Variants in NALF1 observed in about 807,000 individuals in gnomAD.
NALF1 encodes family with sequence similarity 155 member A.
Under a neutral mutation model 48.4 loss-of-function variants are expected in NALF1, and 3 were observed. That is an observed-to-expected ratio of 0.06 (90% CI 0.03 to 0.16). NALF1 has a LOEUF of 0.16. Among genes scored for constraint, NALF1 ranks in the 10% least tolerant of loss-of-function variants. The pLI is 1.00. For missense variants in NALF1, 526 were observed against 571.5 expected (o/e 0.92, Z 0.81); for synonymous variants, 262 against 245.7 (o/e 1.07, Z -0.62).
intron 1 of NALF1, among the ~76,000 whole-genome samples, chr13:107,318,583 A>G (rs1162131578): frequency 6.6e-6 from 1 of 152,094 alleles, no homozygotes; most frequent in African/African-American, 2.4e-5. Flanking sequence ...GAGTAATGGA[A>G]ACTTTCACGT....
At chr13:107,219,285 CAT>C (rs1168161592) in intron 1 of NALF1, among the ~76,000 whole-genome samples, 1 of 152,218 alleles carries the variant, frequency 6.6e-6, no homozygotes, top group Non-Finnish European at 1.5e-5. Flanking sequence ...GTCCTCTAAA[CAT>C]ACCACTTATT....
At chr13:107,315,962 T>C (rs1284726843) in intron 1 of NALF1, among the ~76,000 whole-genome samples, 1 of 151,986 alleles carries the variant, frequency 6.6e-6, no homozygotes, top group Non-Finnish European at 1.5e-5. Flanking sequence ...GTTTGTTACA[T>C]ATGTATACAT....
chr13:107,579,061 C>A (rs1466405508), intron 1 of NALF1, among the ~76,000 whole-genome samples: 1 of 152,156 alleles, frequency 6.6e-6, no homozygotes, highest in East Asian at 1.9e-4. Context: ...TCCATGCTTT[C>A]ATGCTAACAT....
At chr13:107,474,036 A>C (rs1885140942) in intron 1 of NALF1, among the ~76,000 whole-genome samples, 1 of 152,184 alleles carries the variant, frequency 6.6e-6, no homozygotes, top group Admixed American at 6.6e-5. Flanking sequence ...CCTTTATGAG[A>C]GACAATTTCT....
chr13:107,827,899 T>C (rs1879568735), intron 1 of NALF1, among the ~76,000 whole-genome samples: 1 of 152,214 alleles, frequency 6.6e-6, no homozygotes. Context: ...ACATGTCTTC[T>C]AGCACAAAAA....
At chr13:107,440,734 A>C (rs868059362) in intron 1 of NALF1, among the ~76,000 whole-genome samples, 4 of 152,240 alleles carry the variant, frequency 2.6e-5, no homozygotes, top group Middle Eastern at 3.4e-3. Flanking sequence ...ATTTTTGTGA[A>C]CTAACCGAAT....
chr13:107,759,357 T>C (rs1877202309), intron 1 of NALF1, among the ~76,000 whole-genome samples: 1 of 152,110 alleles, frequency 6.6e-6, no homozygotes, highest in African/African-American at 2.4e-5. Context: ...TACAGGTGCA[T>C]GCCACCACCC....
At chr13:107,288,248 C>G (rs190477656) in intron 1 of NALF1, among the ~76,000 whole-genome samples, 4,921 of 125,834 alleles carry the variant, frequency 0.039, 276 homozygotes, top group African/African-American at 0.14. Context: ...GAGACGGAGT[C>G]TCGCTCTGTC....
At chr13:107,201,370 A>T (rs145260738) in intron 2 of NALF1, among the ~76,000 whole-genome samples, 1 of 152,304 alleles carries the variant, frequency 6.6e-6, no homozygotes, top group East Asian at 1.9e-4. Flanking sequence ...AGGTCAGGAG[A>T]TCGAGACCAG....
At chr13:107,263,504 T>A (rs747200110) in intron 1 of NALF1, among the ~76,000 whole-genome samples, 1 of 152,116 alleles carries the variant, frequency 6.6e-6, no homozygotes, top group East Asian at 1.9e-4. Context: ...TTCCCACATG[T>A]TGTGGAAGAG....
At chr13:107,638,043 C>A (rs1880033139) in intron 1 of NALF1, among the ~76,000 whole-genome samples, 1 of 151,748 alleles carries the variant, frequency 6.6e-6, no homozygotes, top group Admixed American at 6.6e-5. Flanking sequence ...GACCGTAAGT[C>A]ATCTTCCTGA....
intron 1 of NALF1, among the ~76,000 whole-genome samples, chr13:107,394,207 T>C (rs1883672371): frequency 6.6e-6 from 1 of 152,176 alleles, no homozygotes; most frequent in South Asian, 2.1e-4. Context: ...TTAAAAACTG[T>C]AATCTCTATT....
intron 1 of NALF1, among the ~76,000 whole-genome samples, chr13:107,816,754 A>C (rs562602582): frequency 2.6e-5 from 4 of 152,302 alleles, no homozygotes; most frequent in Admixed American, 2.6e-4. Flanking sequence ...TTAAAAAAAA[A>C]CCTTAAATTA....
chr13:107,345,779 T>G (rs1039971093), intron 1 of NALF1, among the ~76,000 whole-genome samples: 2 of 152,258 alleles, frequency 1.3e-5, no homozygotes, highest in East Asian at 3.9e-4. Flanking sequence ...AATATAAAAA[T>G]AGACAACAGG....
At chr13:107,686,540 C>T (rs1350201958) in intron 1 of NALF1, among the ~76,000 whole-genome samples, 1 of 152,104 alleles carries the variant, frequency 6.6e-6, no homozygotes, top group Admixed American at 6.6e-5. Context: ...ACTAGAGGCA[C>T]ATGCCACCAC....
At chr13:107,171,133 G>T (rs1201711011) in intron 2 of NALF1, among the ~76,000 whole-genome samples, 1 of 152,164 alleles carries the variant, frequency 6.6e-6, no homozygotes, top group Non-Finnish European at 1.5e-5. Context: ...TCTTTCACAG[G>T]AATGTGACCA....
chr13:107,701,438 A>G (rs898859283), intron 1 of NALF1, among the ~76,000 whole-genome samples: 4 of 152,182 alleles, frequency 2.6e-5, no homozygotes, highest in African/African-American at 9.7e-5. Flanking sequence ...TCTCACTTCA[A>G]TTTGGTATCA....
intron 1 of NALF1, among the ~76,000 whole-genome samples, chr13:107,693,294 C>A (rs978830672): frequency 8.2e-5 from 9 of 109,442 alleles, no homozygotes; most frequent in Non-Finnish European, 1.4e-4. Context: ...GGACACAGGG[C>A]GGGGAACACC....
At position 107,509,565 on chromosome 13, in the gene NALF1, T is replaced by C. The variant is rs554062576; in HGVS notation, c.916-298810A>G. On this transcript the variant is annotated intron_variant, in intron 1 of 2. Coordinates refer to ENST00000375915, the MANE Select transcript of NALF1 (RefSeq NM_001080396.3). ...TAGGTACTTCACACAATGTCTCTTT[T>C]ACAATGTTATTTCCAGTTTTCTTTT... Among the ~76,000 whole-genome samples, 46 of 152,270 alleles carry C rather than the reference T, an allele frequency of 3.0e-4. 1 individual carries two copies. Among genetic ancestry groups the C allele is most frequent in the African/African-American group, 1.0e-3 (43 of 41,564 alleles).
Sources: gnomAD v4.1 joint callset for allele counts (sites outside exome capture counted in the v4.1 genomes callset) on GRCh38, gnomAD v4.1.1 for gene constraint, MANE v1.5 for transcripts, NCBI Gene and HGNC (gene_info 2026-07-23, HGNC 2026-07-21) for gene names.